The following TPRG1 variants were observed in gnomAD, a reference collection of about 807,000 sequenced individuals.
TPRG1 encodes tumor protein p63-regulated gene 1 protein.
Under a neutral mutation model 29.3 loss-of-function variants are expected in TPRG1, and 29 were observed. The observed-to-expected ratio is 0.99, with a 90% CI of 0.74 to 1.35. The LOEUF is 1.35. Ranked by LOEUF, TPRG1 falls within the 40% of genes most tolerant of loss-of-function variation. The pLI, the probability that TPRG1 is intolerant of heterozygous loss-of-function variation, is 0.00. For synonymous variants in TPRG1, 130 were observed against 116.8 expected (o/e 1.11, Z -0.73); for missense variants, 327 against 335.0 (o/e 0.98, Z 0.19).
At chr3:189,286,913 T>C (rs1718153569) in intron 4 of TPRG1, among the ~76,000 whole-genome samples, 1 of 152,100 alleles carries the variant, frequency 6.6e-6, no homozygotes, top group South Asian at 2.1e-4. Flanking sequence ...TCTAACGAAC[T>C]CCTCTTTTTC....
chr3:189,129,074 ATTAAC>A (rs1553908077), intron 2 of TPRG1, among the ~76,000 whole-genome samples: 1 of 152,242 alleles, frequency 6.6e-6, no homozygotes, highest in Non-Finnish European at 1.5e-5. Context: ...AAACTAAGAA[ATTAAC>A]TTTAGTACTA....
intron 4 of TPRG1, among the ~76,000 whole-genome samples, chr3:189,086,450 C>T (rs1225435049): frequency 6.6e-6 from 1 of 151,818 alleles, no homozygotes; most frequent in Non-Finnish European, 1.5e-5. Flanking sequence ...CCTGGAGCTT[C>T]TGGGCTCAAG....
At chr3:189,279,465 C>T (rs559699796) in intron 4 of TPRG1, among the ~76,000 whole-genome samples, 17 of 152,168 alleles carry the variant, frequency 1.1e-4, no homozygotes, top group African/African-American at 3.9e-4. Context: ...GTCAGGTGGA[C>T]CTTCATTCAG....
At chr3:189,186,904 T>C (rs531810517) in intron 1 of TPRG1, among the ~76,000 whole-genome samples, 22 of 152,178 alleles carry the variant, frequency 1.4e-4, no homozygotes, top group African/African-American at 5.1e-4. Context: ...TAGCATAGAT[T>C]CAGTCAATTA....
chr3:189,107,559 C>T (rs937436835), intron 1 of TPRG1, among the ~76,000 whole-genome samples: 2 of 152,018 alleles, frequency 1.3e-5, no homozygotes, highest in African/African-American at 2.4e-5. Context: ...GAAATTTCAC[C>T]CCTTAGCCTT....
intron 4 of TPRG1, among the ~76,000 whole-genome samples, chr3:189,278,878 A>G (rs1576938482): frequency 1.3e-5 from 2 of 152,302 alleles, no homozygotes; most frequent in Middle Eastern, 6.8e-3. Flanking sequence ...GTATATACCC[A>G]TGTATAATAT....
intron 5 of TPRG1, among the ~76,000 whole-genome samples, chr3:189,312,130 T>C (rs1722669443): frequency 5.8e-5 from 2 of 34,372 alleles, no homozygotes; most frequent in African/African-American, 2.9e-4. Context: ...TCTTTCTTTC[T>C]TTCTTTCTTT....
At chr3:189,271,837 G>A (rs997048756) in intron 4 of TPRG1, among the ~76,000 whole-genome samples, 2 of 152,318 alleles carry the variant, frequency 1.3e-5, no homozygotes, top group East Asian at 3.9e-4. Flanking sequence ...TCATTTACTT[G>A]TGTACTTGTG....
At chr3:189,088,299 CTGTT>C (rs556649761) in intron 4 of TPRG1, among the ~76,000 whole-genome samples, 7,040 of 152,180 alleles carry the variant, frequency 0.046, 519 homozygotes, top group African/African-American at 0.16. Flanking sequence ...ATTTGGCTCT[CTGTT>C]TGTCTGTTAT....
At chr3:189,242,401 T>C (rs1187644554) in intron 4 of TPRG1, among the ~76,000 whole-genome samples, 1 of 152,288 alleles carries the variant, frequency 6.6e-6, no homozygotes, top group East Asian at 1.9e-4. Context: ...GCTTGTCTAA[T>C]GTTTGAAAGT....
At chr3:189,300,915 C>A (rs1378260973) in intron 4 of TPRG1, among the ~76,000 whole-genome samples, 1 of 152,160 alleles carries the variant, frequency 6.6e-6, no homozygotes, top group Non-Finnish European at 1.5e-5. Flanking sequence ...TCCTGGCTCT[C>A]ACTAGTTCTG....
chr3:189,099,568 T>C (rs1009520819), upstream of TPRG1, among the ~76,000 whole-genome samples: 2 of 151,980 alleles, frequency 1.3e-5, no homozygotes, highest in African/African-American at 4.8e-5. Flanking sequence ...GTTTCTGCGG[T>C]GTTTTAGTTG....
chr3:189,164,841 A>C (rs546920161), intron 5 of TPRG1, among the ~76,000 whole-genome samples: 3 of 152,130 alleles, frequency 2.0e-5, no homozygotes, highest in Admixed American at 1.3e-4. Flanking sequence ...CACAGCTCCC[A>C]TGTCCCCCTG....
chr3:189,238,952 T>C (rs759343649), intron 4 of TPRG1, 43 bp downstream of exon 4: 17 of 1,517,416 alleles, frequency 1.1e-5, no homozygotes, highest in Non-Finnish European at 1.2e-5. Context: ...GCAGCAGGGA[T>C]GGACCTGCAG....
At chr3:189,084,012 G>A (rs1021154816) in intron 4 of TPRG1, among the ~76,000 whole-genome samples, 8 of 152,072 alleles carry the variant, frequency 5.3e-5, no homozygotes, top group African/African-American at 1.7e-4. Flanking sequence ...ACGGCTGGGC[G>A]TGGTGGCACA....
At chr3:189,047,927 C>T (rs999650356) in intron 4 of TPRG1, among the ~76,000 whole-genome samples, 4 of 152,134 alleles carry the variant, frequency 2.6e-5, no homozygotes, top group African/African-American at 7.2e-5. Context: ...AGTCTGGAAC[C>T]CCTCAGTTAT....
chr3:189,152,110 C>T (rs13093472), intron 5 of TPRG1, among the ~76,000 whole-genome samples: 42,437 of 151,936 alleles, frequency 0.28, 6,759 homozygotes, highest in South Asian at 0.42. Context: ...CTCTTATTCT[C>T]GTGCTTCACC....
chr3:189,286,473 G>A (rs767875615), intron 4 of TPRG1, among the ~76,000 whole-genome samples: 4 of 152,050 alleles, frequency 2.6e-5, no homozygotes, highest in Non-Finnish European at 4.4e-5. Flanking sequence ...AATAGTTGTT[G>A]AAGGCAATTA....
At chr3:189,134,624 A>G (rs2108543983) in intron 3 of TPRG1, among the ~76,000 whole-genome samples, 1 of 152,090 alleles carries the variant, frequency 6.6e-6, no homozygotes, top group African/African-American at 2.4e-5. Flanking sequence ...ACAATGTGGT[A>G]CAGGCTGGTC....
Sources: gnomAD v4.1 joint callset for allele counts (sites outside exome capture counted in the v4.1 genomes callset) on GRCh38, gnomAD v4.1.1 for gene constraint, MANE v1.5 for transcripts, NCBI Gene and HGNC (gene_info 2026-07-23, HGNC 2026-07-21) for gene names.